The following TDRP variants were observed in gnomAD, a reference collection of about 807,000 sequenced individuals.
TDRP encodes testis development related protein.
TDRP carries 12 observed loss-of-function variants against 10.5 expected under a neutral mutation model. The ratio of observed to expected loss-of-function variants is 1.15; its 90% CI spans 0.73 to 1.86. The LOEUF is 1.86. Ranked by LOEUF, TDRP falls within the 40% of genes most tolerant of loss-of-function variation. The pLI is 0.00. For missense variants in TDRP, 353 were observed against 229.2 expected (o/e 1.54, Z -3.49); for synonymous variants, 139 against 95.4 (o/e 1.46, Z -2.67).
intron 1 of TDRP, 31 bp downstream of exon 1, chr8:544,619 A>G (rs1802585741): frequency 8.2e-7 from 1 of 1,219,822 alleles, no homozygotes; most frequent in Non-Finnish European, 1.0e-6. Flanking sequence ...CCCCCGGCCT[A>G]CTAGCACTCC....
chr8:532,744 G>A (rs538304625), intron 1 of TDRP, among the ~76,000 whole-genome samples: 2 of 152,134 alleles, frequency 1.3e-5, no homozygotes, highest in Non-Finnish European at 2.9e-5. Context: ...TTACCTTACA[G>A]TCAGAAGAGA....
chr8:516,630 A>G (rs1210735246), intron 1 of TDRP, among the ~76,000 whole-genome samples: 1 of 152,200 alleles, frequency 6.6e-6, no homozygotes. Context: ...GACATGGAGC[A>G]GCAGGAACTC....
intron 1 of TDRP, among the ~76,000 whole-genome samples, chr8:510,190 A>G (rs1198420162): frequency 6.6e-6 from 1 of 152,178 alleles, no homozygotes; most frequent in Non-Finnish European, 1.5e-5. Flanking sequence ...AATTGGTTAA[A>G]TAATTGGCCA....
chr8:532,340 C>T lies in TDRP; in HGVS notation c.108+12310G>A, dbSNP rs1386703931. Among the ~76,000 whole-genome samples, 4 of 152,172 alleles carry T rather than the reference C, an allele frequency of 2.6e-5. No individual in the cohort carries two copies. In the East Asian group the frequency reaches 7.7e-4, roughly 29 times the overall value. On this transcript the variant is annotated intron_variant, in intron 1 of 2. Transcript: ENST00000324079. ...ACTGAAACCTGCTACTGGGGGAAAC[C>T]TGCAATCTGTCTCAGAAGGGCACAT...
intron 1 of TDRP, among the ~76,000 whole-genome samples, chr8:516,736 T>C (rs778422286): frequency 6.6e-6 from 1 of 152,192 alleles, no homozygotes; most frequent in South Asian, 2.1e-4. Context: ...AAGCCGGCAA[T>C]CACGGTTCTA....
At chr8:514,723 C>G (rs7016493) in intron 1 of TDRP, among the ~76,000 whole-genome samples, 24,173 of 152,028 alleles carry the variant, frequency 0.16, 2,007 homozygotes, top group South Asian at 0.25. Flanking sequence ...TTCCCTGGGA[C>G]ACTGGGAAAT....
At chr8:530,554 T>C (rs897124267) in intron 1 of TDRP, among the ~76,000 whole-genome samples, 2 of 152,128 alleles carry the variant, frequency 1.3e-5, no homozygotes, top group African/African-American at 4.8e-5. Flanking sequence ...TCAAACCTTT[T>C]CTGGGGATGA....
intron 1 of TDRP, among the ~76,000 whole-genome samples, chr8:515,230 CTCTA>C (rs1292240310): frequency 6.6e-6 from 1 of 152,124 alleles, no homozygotes; most frequent in African/African-American, 2.4e-5. Context: ...GTCTTTTCTG[CTCTA>C]TCTTTTCTAT....
intron 1 of TDRP, among the ~76,000 whole-genome samples, chr8:533,657 A>C (rs139846380): frequency 6.2e-4 from 95 of 152,330 alleles, no homozygotes; most frequent in African/African-American, 2.1e-3. Context: ...TTCAACATTC[A>C]GCTAAGAAAT....
chr8:495,388 A>T (rs1801096828), intron 1 of TDRP, among the ~76,000 whole-genome samples: 1 of 152,198 alleles, frequency 6.6e-6, no homozygotes, highest in African/African-American at 2.4e-5. Flanking sequence ...GGAGACAGTG[A>T]CCCTTGCCCT....
Position 544,737 on chromosome 8 carries a change from GC to G in TDRP, c.20del (p.Gly7AlafsTer42). The G allele has an allele frequency of 2.4e-6, 3 of 1,240,076 alleles. No individual in the cohort carries two copies. 76.8% of individuals were successfully genotyped at this position (1,240,076 alleles called of 1,614,324 possible). A position where few individuals can be genotyped will look rare whatever the true frequency, so the allele number is the denominator to read the frequency against. MWKLGR[G>X]RVLLDEPPEE... ...CGGGGGGCTCGTCCAGCAGCACTCG[GC>G]CCCGGCCCAGCTTCCACATGGTCAG... On this transcript the variant is annotated frameshift_variant, in exon 1 of 3. Transcript: ENST00000324079. LOFTEE classifies it high-confidence loss of function.
intron 1 of TDRP, among the ~76,000 whole-genome samples, chr8:513,661 G>T (rs1314000112): frequency 6.6e-6 from 1 of 152,132 alleles, no homozygotes; most frequent in Non-Finnish European, 1.5e-5. Flanking sequence ...ACAGCAATTA[G>T]ACAAGAAAAG....
In TDRP at chr8:526,724, G is replaced by A. The variant is rs966029362; in HGVS notation, c.108+17926C>T. On this transcript the variant is annotated intron_variant, in intron 1 of 2. Coordinates refer to ENST00000324079, the MANE Select transcript of TDRP (RefSeq NM_001384899.1). Reference sequence around the variant, plus strand: ...AATACTAGCCTTGTAGAATAGCTTTGGACTTATTCCCTTCTCCTCTATTTT... The same window carrying A: ...AATACTAGCCTTGTAGAATAGCTTTAGACTTATTCCCTTCTCCTCTATTTT... Among the ~76,000 whole-genome samples the A allele has an allele frequency of 2.6e-5, 4 of 151,974 alleles. No homozygotes were observed. The East Asian group carries it at 5.8e-4, about 22-fold the overall frequency.
rs893667174 is a variant in TDRP at position 492,133 on chromosome 8, A to T, written c.*266T>A. ...CTGCTGTATTATGGGAGAGCATCAT[A>T]AATTCACATCTCCAGTTTCTGCAAA... On this transcript the variant is annotated 3_prime_UTR_variant, in exon 3 of 3. Transcript: ENST00000324079. 35 of 1,242,340 alleles carry T rather than the reference A, an allele frequency of 2.8e-5. No homozygotes were observed. Among genetic ancestry groups the T allele is most frequent in the Non-Finnish European group, 3.1e-5 (31 of 994,252 alleles). The allele number at this position is 1,242,340 out of a possible 1,614,324, so 77.0% of individuals were successfully genotyped here. A position where few individuals can be genotyped will look rare whatever the true frequency, so the allele number is the denominator to read the frequency against.
intron 1 of TDRP, among the ~76,000 whole-genome samples, chr8:520,424 C>CT (rs1474919913): frequency 6.6e-6 from 1 of 152,174 alleles, no homozygotes; most frequent in African/African-American, 2.4e-5. Context: ...GTGCAAATCT[C>CT]TTTGAGATCC....
At chr8:514,677 A>G (rs1378682253) in intron 1 of TDRP, among the ~76,000 whole-genome samples, 2 of 152,032 alleles carry the variant, frequency 1.3e-5, no homozygotes, top group Non-Finnish European at 2.9e-5. Context: ...TCTCTCCACT[A>G]CCAGTCACCT....
intron 1 of TDRP, among the ~76,000 whole-genome samples, chr8:503,998 G>T (rs1489321815): frequency 6.7e-6 from 1 of 148,626 alleles, no homozygotes; most frequent in East Asian, 2.0e-4. Context: ...GCCACACACT[G>T]GAACCAATGC....
At chr8:515,712 G>C (rs1030773187) in intron 1 of TDRP, among the ~76,000 whole-genome samples, 4 of 152,026 alleles carry the variant, frequency 2.6e-5, no homozygotes, top group African/African-American at 9.7e-5. Flanking sequence ...TTATAATCAA[G>C]ACAATGCATA....
intron 1 of TDRP, among the ~76,000 whole-genome samples, chr8:527,280 G>T (rs901993596): frequency 6.6e-6 from 1 of 151,990 alleles, no homozygotes; most frequent in Admixed American, 6.6e-5. Context: ...ACACAAAAAT[G>T]AAAAGATATT....
Sources: allele counts gnomAD v4.1 joint callset (sites outside exome capture counted in the v4.1 genomes callset), GRCh38; gene constraint gnomAD v4.1.1; transcripts MANE v1.5; gene names NCBI Gene and HGNC (gene_info 2026-07-23, HGNC 2026-07-21).